Variants in NXPE2 observed in about 807,000 individuals in gnomAD.
The protein encoded by NXPE2 is neurexophilin and PC-esterase domain family member 2.
NXPE2 carries 34 observed loss-of-function variants against 34.4 expected under a neutral mutation model. The observed-to-expected ratio is 0.99, with a 90% CI of 0.75 to 1.31. The LOEUF is 1.31. NXPE2 is among the 40% of genes most tolerant of loss of function. The pLI, the probability that NXPE2 is intolerant of heterozygous loss-of-function variation, is 0.00. For missense variants in NXPE2, 649 were observed against 672.5 expected, an observed-to-expected ratio of 0.97 and a Z score of 0.39; for synonymous variants, 235 against 231.3, an observed-to-expected ratio of 1.02 and a Z score of -0.15.
At chr11:114,675,463 G>C (rs1041667827), upstream of NXPE2, among the ~76,000 whole-genome samples, 1 of 151,700 alleles carries the variant, frequency 6.6e-6, no homozygotes, top group Non-Finnish European at 1.5e-5. Flanking sequence ...TAAAGTTGCA[G>C]GATACAAAAT....
the NXPE2 span, among the ~76,000 whole-genome samples, chr11:114,473,551 T>A: frequency 6.6e-6 from 1 of 152,188 alleles, no homozygotes; most frequent in Non-Finnish European, 1.5e-5. Context: ...GAATAATATA[T>A]ACAAACACAG....
At chr11:114,506,112 TAAAAAA>T in the NXPE2 span, among the ~76,000 whole-genome samples, 102 of 134,420 alleles carry the variant, frequency 7.6e-4, no homozygotes, top group South Asian at 1.4e-3. Context: ...CAAGAAATAT[TAAAAAA>T]AAAAAAAAAA....
At chr11:114,628,406 G>A in the NXPE2 span, among the ~76,000 whole-genome samples, 2 of 152,182 alleles carry the variant, frequency 1.3e-5, no homozygotes, top group Admixed American at 1.3e-4. Context: ...TGAACAACCT[G>A]CTTCTGAATG....
the NXPE2 span, among the ~76,000 whole-genome samples, chr11:114,613,896 C>T: frequency 6.6e-6 from 1 of 152,096 alleles, no homozygotes; most frequent in Admixed American, 6.6e-5. Flanking sequence ...ATAAGTGTTG[C>T]CTCGTGGGTA....
the NXPE2 span, among the ~76,000 whole-genome samples, chr11:114,750,921 C>T: frequency 2.6e-5 from 4 of 152,104 alleles, no homozygotes; most frequent in Non-Finnish European, 5.9e-5. Context: ...TTCAACGTTT[C>T]AGTGCCTTAA....
At chr11:114,805,948 T>C in the NXPE2 span, among the ~76,000 whole-genome samples, 29 of 152,196 alleles carry the variant, frequency 1.9e-4, no homozygotes, top group African/African-American at 4.8e-4. Context: ...CACCCCTCAG[T>C]AGGGGCAGAC....
At chr11:114,707,614 G>A (rs1951499559), downstream of NXPE2, 1 of 173,622 alleles carries the variant, frequency 5.8e-6, no homozygotes, top group Admixed American at 6.2e-5. Context: ...ACAATGTTGT[G>A]AAACCCTCAT....
At chr11:114,661,296 C>T in the NXPE2 span, among the ~76,000 whole-genome samples, 6 of 152,080 alleles carry the variant, frequency 3.9e-5, no homozygotes, top group East Asian at 1.9e-4. Context: ...AATAATCAAT[C>T]GGTTTTGTAA....
At chr11:114,623,204 C>T in the NXPE2 span, among the ~76,000 whole-genome samples, 3 of 151,592 alleles carry the variant, frequency 2.0e-5, no homozygotes, top group African/African-American at 4.9e-5. Flanking sequence ...ACCATTGTTA[C>T]CCAGTGGATC....
chr11:114,470,543 T>C, the NXPE2 span, among the ~76,000 whole-genome samples: 1 of 151,436 alleles, frequency 6.6e-6, no homozygotes, highest in Non-Finnish European at 1.5e-5. Flanking sequence ...ATTTAAAAAA[T>C]TGGGTGTATA....
chr11:114,470,563 T>C, the NXPE2 span, among the ~76,000 whole-genome samples: 1 of 150,774 alleles, frequency 6.6e-6, no homozygotes, highest in Non-Finnish European at 1.5e-5. Context: ...AATAGGGTTC[T>C]CCAGAGAAAA....
At chr11:114,612,593 G>A in the NXPE2 span, among the ~76,000 whole-genome samples, 1 of 151,958 alleles carries the variant, frequency 6.6e-6, no homozygotes, top group Non-Finnish European at 1.5e-5. Flanking sequence ...AATAAGTATT[G>A]CCTCACGGGT....
chr11:114,528,169 T>G, the NXPE2 span, among the ~76,000 whole-genome samples: 1 of 152,258 alleles, frequency 6.6e-6, no homozygotes, highest in Admixed American at 6.5e-5. Context: ...TTCAAAATAT[T>G]TATCTAATTT....
the NXPE2 span, among the ~76,000 whole-genome samples, chr11:114,477,392 A>G: frequency 3.3e-5 from 5 of 152,364 alleles, no homozygotes; most frequent in Non-Finnish European, 2.9e-5. Context: ...ATGTGAGGCG[A>G]TGGATATATT....
At chr11:114,695,830 AAC>A (rs67132329) in intron 2 of NXPE2, among the ~76,000 whole-genome samples, 5,217 of 132,550 alleles carry the variant, frequency 0.039, 126 homozygotes, top group Non-Finnish European at 0.056. Context: ...GTCTCTACTA[AAC>A]ACACACACAC....
chr11:114,716,816 C>T, the NXPE2 span, among the ~76,000 whole-genome samples: 1 of 152,068 alleles, frequency 6.6e-6, no homozygotes, highest in South Asian at 2.1e-4. Context: ...TTTTAATGTT[C>T]CATACTTTAA....
At chr11:114,732,181 T>G in the NXPE2 span, among the ~76,000 whole-genome samples, 1 of 152,250 alleles carries the variant, frequency 6.6e-6, no homozygotes, top group Middle Eastern at 3.2e-3. Context: ...ATGTATATAA[T>G]TCTAATATAG....
At chr11:114,766,155 T>A in the NXPE2 span, among the ~76,000 whole-genome samples, 4 of 152,202 alleles carry the variant, frequency 2.6e-5, no homozygotes, top group African/African-American at 9.6e-5. Flanking sequence ...CAAGGCTCTA[T>A]GATTTTCCCT....
the NXPE2 span, among the ~76,000 whole-genome samples, chr11:114,713,904 T>A: frequency 2.0e-5 from 3 of 151,928 alleles, no homozygotes; most frequent in Non-Finnish European, 4.4e-5. Flanking sequence ...ACAGCATGAG[T>A]TTTCAATGAC....
Sources: allele counts gnomAD v4.1 joint callset (sites outside exome capture counted in the v4.1 genomes callset), GRCh38; gene constraint gnomAD v4.1.1; transcripts MANE v1.5; gene names NCBI Gene and HGNC (gene_info 2026-07-23, HGNC 2026-07-21).